RAG1: variants seen among roughly 807,000 people sequenced by gnomAD.
The protein encoded by RAG1 is V(D)J recombination-activating protein 1.
Under a neutral mutation model 62.7 loss-of-function variants are expected in RAG1, and 35 were observed. The observed-to-expected ratio is 0.56, with a 90% confidence interval of 0.43 to 0.74. The LOEUF (loss-of-function observed/expected upper bound fraction) is 0.74. Among genes scored for constraint, RAG1 ranks in the 30% least tolerant of loss-of-function variants. RAG1 has a pLI of 0.00. For synonymous variants in RAG1, 461 were observed against 470.3 expected, an observed-to-expected ratio of 0.98 and a Z score of 0.26; for missense variants, 1,169 against 1,278.6, an observed-to-expected ratio of 0.91 and a Z score of 1.31.
intron 3 of RAG1, among the ~76,000 whole-genome samples, chr11:36,562,253 C>T (rs527901253): frequency 1.3e-5 from 2 of 152,168 alleles, no homozygotes; most frequent in Admixed American, 1.3e-4. Flanking sequence ...TGTAGAGTTG[C>T]CATTAAGCAA....
At chr11:36,534,805 T>C (rs1860302485) in intron 2 of RAG1, among the ~76,000 whole-genome samples, 1 of 152,222 alleles carries the variant, frequency 6.6e-6, no homozygotes, top group Non-Finnish European at 1.5e-5. Flanking sequence ...TTCAGTTGTA[T>C]GCCTATTTCA....
intron 1 of RAG1, among the ~76,000 whole-genome samples, chr11:36,514,839 C>T (rs755563420): frequency 4.6e-5 from 7 of 152,232 alleles, no homozygotes; most frequent in African/African-American, 9.6e-5. Flanking sequence ...CACCACTCAT[C>T]TGTGAAGGAG....
downstream of RAG1, among the ~76,000 whole-genome samples, chr11:36,538,458 A>T (rs1272175676): frequency 6.6e-6 from 1 of 152,198 alleles, no homozygotes; most frequent in Non-Finnish European, 1.5e-5. Flanking sequence ...TCTATTCGAT[A>T]GGTTATTATT....
Position 36,575,063 on chromosome 11 carries a change from G to T in RAG1, c.1759G>T (p.Asp587Tyr). 1 of 1,614,172 alleles carries T rather than the reference G, an allele frequency of 6.2e-7. No individual in the cohort carries two copies. Among genetic ancestry groups the T allele is most frequent in the Non-Finnish European group, 8.5e-7 (1 of 1,180,030 alleles). ...ILEGMRSQDL[D>Y]DYLNGPFTVV... ...GGAAGGCATGAGATCCCAAGACCTT[G>T]ATGATTACCTGAATGGCCCCTTCAC... Residue 587 changes from aspartate to tyrosine, a missense_variant, in exon 2 of 2, where the codon GAT becomes TAT. Around this residue, in one of 2 missense-constraint regions of RAG1, gnomAD observed 800 missense variants for 943.3 expected, o/e 0.85. Coordinates refer to ENST00000299440, the MANE Select transcript of RAG1 (RefSeq NM_000448.3). This position sits in a 1 kb window ranked among gnomAD's most constrained non-coding sequence, Gnocchi z 4.1.
downstream of RAG1, among the ~76,000 whole-genome samples, chr11:36,538,313 G>A (rs1215432941): frequency 1.3e-5 from 2 of 152,022 alleles, no homozygotes; most frequent in African/African-American, 4.8e-5. Flanking sequence ...CCATCCAGGG[G>A]CCAGCTGCAG....
chr11:36,522,221 A>G (rs1860091077), intron 2 of RAG1, among the ~76,000 whole-genome samples: 1 of 152,220 alleles, frequency 6.6e-6, no homozygotes, highest in African/African-American at 2.4e-5. Context: ...TCACAAGCCC[A>G]GAGGCCTAGG....
At chr11:36,541,061 G>C (rs980732657) in intron 3 of RAG1, among the ~76,000 whole-genome samples, 1 of 152,130 alleles carries the variant, frequency 6.6e-6, no homozygotes, top group African/African-American at 2.4e-5. Flanking sequence ...TGATATGATG[G>C]TCTGTTGTTT....
At chr11:36,570,360 G>A (rs1326666732) in intron 1 of RAG1, among the ~76,000 whole-genome samples, 1 of 152,060 alleles carries the variant, frequency 6.6e-6, no homozygotes, top group African/African-American at 2.4e-5. Flanking sequence ...TAATTGAATA[G>A]ATAAAAAATA....
At chr11:36,559,651 T>C (rs1460076701) in intron 3 of RAG1, among the ~76,000 whole-genome samples, 1 of 152,178 alleles carries the variant, frequency 6.6e-6, no homozygotes. Flanking sequence ...TGATCTAGTC[T>C]GTTGTTGAAG....
At chr11:36,568,230 A>G (rs183176795) in intron 1 of RAG1, 108 bp downstream of exon 1, 2 of 152,320 alleles carry the variant, frequency 1.3e-5, no homozygotes, top group East Asian at 3.9e-4. Context: ...AGGGGATGGA[A>G]TGAGCAAAGC....
At chr11:36,540,546 AG>A (rs1325380079), downstream of RAG1, among the ~76,000 whole-genome samples, 2 of 152,010 alleles carry the variant, frequency 1.3e-5, no homozygotes, top group African/African-American at 2.4e-5. Context: ...CTGGGACTAC[AG>A]GCGCCCGCCA....
chr11:36,519,164 T>G (rs1036401452), intron 1 of RAG1, among the ~76,000 whole-genome samples: 79 of 152,258 alleles, frequency 5.2e-4, no homozygotes, highest in African/African-American at 1.6e-3. Flanking sequence ...TACATTTTTT[T>G]TTGTTGTTTT....
rs188175007 is a variant in RAG1, at chr11:36,578,446, T to A, written c.*2010T>A. 2.4e-5 allele frequency: 4 copies of A among 166,652 alleles called. No homozygotes were observed. Among genetic ancestry groups the A allele is most frequent in the Admixed American group, 1.3e-4 (2 of 15,306 alleles). The allele number at this position is 166,652 out of a possible 1,614,324, so 10.3% of individuals were successfully genotyped here. A position where few individuals can be genotyped will look rare whatever the true frequency, so the allele number is the denominator to read the frequency against. On this transcript the variant is annotated 3_prime_UTR_variant, in exon 2 of 2. Transcript: ENST00000299440. ...TTCATCCTGCTTAATCCTTCCAGCA[T>A]GTCTCTGCACTAATAAACAGCTAAA...
At chr11:36,525,208 G>A (rs927529236) in intron 2 of RAG1, among the ~76,000 whole-genome samples, 1 of 152,004 alleles carries the variant, frequency 6.6e-6, no homozygotes, top group African/African-American at 2.4e-5. Flanking sequence ...AAAATTGGCT[G>A]TACTTATGTG....
chr11:36,522,482 G>A (rs974514872), intron 2 of RAG1, among the ~76,000 whole-genome samples: 1 of 152,256 alleles, frequency 6.6e-6, no homozygotes, highest in Non-Finnish European at 1.5e-5. Flanking sequence ...GTATGGAAAC[G>A]CCTGGATGCC....
intron 1 of RAG1, among the ~76,000 whole-genome samples, chr11:36,568,376 G>A (rs1206020754): frequency 6.6e-6 from 1 of 152,228 alleles, no homozygotes; most frequent in Non-Finnish European, 1.5e-5. Context: ...AAAGGTTTAA[G>A]GAGTGCTTCT....
Position 36,576,469 on chromosome 11 carries a change from A to G in RAG1, c.*33A>G, listed in dbSNP as rs745357559. 3.7e-6 allele frequency: 6 copies of G among 1,612,554 alleles called. No homozygotes were observed. In the Admixed American group the frequency reaches 6.7e-5, roughly 18 times the overall value. ...AACCACTTATGAGTTGGTTTTTGCA[A>G]TTGAGTTTCCCTCTGGGTTGCATTG... is the stretch of plus-strand genomic sequence containing the variant. On this transcript the variant is annotated 3_prime_UTR_variant, in exon 2 of 2. Coordinates refer to ENST00000299440, the MANE Select transcript of RAG1 (RefSeq NM_000448.3).
intron 1 of RAG1, among the ~76,000 whole-genome samples, chr11:36,519,073 C>A (rs1282485616): frequency 6.6e-6 from 1 of 152,066 alleles, no homozygotes; most frequent in African/African-American, 2.4e-5. Context: ...TTGATATATG[C>A]CCATTGGAAG....
chr11:36,559,764 G>A (rs920803252), intron 3 of RAG1, among the ~76,000 whole-genome samples: 1 of 152,014 alleles, frequency 6.6e-6, no homozygotes, highest in South Asian at 2.1e-4. Flanking sequence ...CTAAGATCTT[G>A]AATTGTTTTT....
Sources: gnomAD v4.1 joint callset for allele counts (sites outside exome capture counted in the v4.1 genomes callset) on GRCh38, gnomAD v4.1.1 for gene constraint, gnomAD v4.1.1 regional missense constraint, Gnocchi (gnomAD v3.1) non-coding constraint, MANE v1.5 for transcripts, NCBI Gene and HGNC (gene_info 2026-07-23, HGNC 2026-07-21) for gene names.